Variants in GIT1 observed in about 807,000 individuals in gnomAD.
GIT1 encodes ARF GTPase-activating protein GIT1.
A neutral mutation model predicts 91.7 loss-of-function variants in GIT1; 14 were observed. The observed-to-expected ratio is 0.15, with a 90% CI of 0.10 to 0.24. The LOEUF is 0.24. Ranked by LOEUF, GIT1 falls within the 10% of genes least tolerant of loss-of-function variation. GIT1 has a pLI of 1.00. For missense variants in GIT1, 717 were observed against 1,024.9 expected (o/e 0.70, Z 4.10); for synonymous variants, 414 against 418.2 (o/e 0.99, Z 0.12).
Position 29,581,705 on chromosome 17 carries a change from G to A in GIT1, c.718+37C>T. ...GTCCCACCTGCCCAGCCCCAGCCAG[G>A]CCTGTCACAGCCAGGCGCCCCCCAA... On this transcript the variant is annotated intron_variant, in intron 6 of 19. Transcript: ENST00000225394. This position sits in a 1 kb window ranked among gnomAD's most constrained non-coding sequence, Gnocchi z 4.8. 1 of 1,535,526 alleles carries A rather than the reference G, an allele frequency of 6.5e-7. No homozygotes were observed. Among genetic ancestry groups the A allele is most frequent in the Middle Eastern group, 2.2e-4 (1 of 4,516 alleles).
At chr17:29,586,209 T>C (rs777913170) in intron 1 of GIT1, among the ~76,000 whole-genome samples, 3 of 152,262 alleles carry the variant, frequency 2.0e-5, no homozygotes, top group Admixed American at 6.5e-5. Context: ...AACATGCTTG[T>C]CTAACCTGCA....
In GIT1 at chr17:29,583,564, G is replaced by A; in HGVS notation, c.105C>T (p.Cys35=). Residue 35 remains cysteine (C), a synonymous_variant, in exon 2 of 20, where the codon TGC becomes TGT. Transcript: ENST00000225394. ...GGCGTCCCAGGCTCCGGTGCACGCTGCAGCACTCGTCACACACCAGCACAC... is the reference window on the plus strand; with the variant it reads ...GGCGTCCCAGGCTCCGGTGCACGCTACAGCACTCGTCACACACCAGCACAC... The part of the protein sequence containing the change: ...SRGVLVCDEC[C]SVHRSLGRHI... The A allele has an allele frequency of 6.2e-7, 1 of 1,609,654 alleles. No individual in the cohort carries two copies.
chr17:29,585,129 G>C, intron 1 of GIT1, among the ~76,000 whole-genome samples: 1 of 152,018 alleles, frequency 6.6e-6, no homozygotes, highest in East Asian at 1.9e-4. Context: ...AGGAGGAAGG[G>C]ACCAGCCTTC....
At position 29,583,937 on chromosome 17, in the gene GIT1, C is replaced by T. The variant is rs778041333; in HGVS notation, c.53-321G>A. 2.1e-4 allele frequency: 75 copies of T among 365,008 alleles called. 1 individual carries two copies. In the Middle Eastern group the frequency reaches 7.5e-3, roughly 36 times the overall value. 22.6% of individuals were successfully genotyped at this position (365,008 alleles called of 1,614,324 possible). On this transcript the variant is annotated intron_variant, in intron 1 of 19. Transcript: ENST00000225394. ...AGTCTCTCAGCCTTTTCCCAGGAAA[C>T]GAGGTCTCTGCCCCAGCCCGTCCCG...
chr17:29,585,843 C>A (rs1024197577), intron 1 of GIT1, among the ~76,000 whole-genome samples: 1 of 152,020 alleles, frequency 6.6e-6, no homozygotes, highest in Non-Finnish European at 1.5e-5. Context: ...CCTCCCCCTG[C>A]GCTTCTGGCT....
chr17:29,576,865 G>T lies in GIT1; in HGVS notation c.1225C>A (p.Arg409=), dbSNP rs745850448. ...GGGAAGGAGGGTGGGACTCAGACCC[G>T]GGCCCGGTTGCTCCGAGTGGCGCCG... ...STGATRSNRA[R]SMDSSDLSDG... Residue 409 remains arginine, a splice_region_variant and synonymous_variant, in exon 12 of 20, where the codon CGG becomes AGG. Coordinates refer to ENST00000225394, the MANE Select transcript of GIT1 (RefSeq NM_014030.4). 6.3e-7 allele frequency: 1 copy of T among 1,575,138 alleles called. No individual in the cohort carries two copies. The highest frequency in any genetic ancestry group is 1.9e-5 in the Admixed American group (1 of 52,718).
At position 29,581,368 on chromosome 17, in the gene GIT1, C is replaced by A. The variant is rs761142321; in HGVS notation, c.731G>T (p.Gly244Val). 1.2e-6 allele frequency: 2 copies of A among 1,612,680 alleles called. No individual in the cohort carries two copies. Among genetic ancestry groups the A allele is most frequent in the East Asian group, 4.5e-5 (2 of 44,864 alleles). Residue 244 changes from glycine to valine, a missense_variant, in exon 7 of 20, where the codon GGG (glycine) becomes GTG (valine). Physicochemically the swap from Gly to Val is moderately radical, Grantham distance 109 (BLOSUM62 -3). Transcript: ENST00000225394. This position sits in a 1 kb window ranked among gnomAD's most constrained non-coding sequence, Gnocchi z 4.8. ...LCGRKPDHKN[G>V]HYIIPQMADS... ...AGCCATCTGTGGGATGATGTAATGCCCATTCTTGTGATCTGAACAAAAATA... is the reference window on the plus strand; with the variant it reads ...AGCCATCTGTGGGATGATGTAATGCACATTCTTGTGATCTGAACAAAAATA...
Position 29,577,732 on chromosome 17 carries a change from A to T in GIT1, c.894T>A (p.Ala298=). Residue 298 remains alanine, a synonymous_variant, in exon 10 of 20, where the codon GCT becomes GCA. Transcript: ENST00000225394. ...DRRENDAVWL[A]TQNHSTLVTE... ...TCACCAGAGTGCTGTGGTTTTGGGT[A>T]GCCAGCCACACTGTAGGGGACGGAC... The T allele has an allele frequency of 6.2e-7, 1 of 1,607,482 alleles. No individual in the cohort carries two copies. The highest frequency in any genetic ancestry group is 8.5e-7 in the Non-Finnish European group (1 of 1,174,146).
chr17:29,585,606 G>A (rs1245159053), intron 1 of GIT1, among the ~76,000 whole-genome samples: 1 of 152,172 alleles, frequency 6.6e-6, no homozygotes, highest in Non-Finnish European at 1.5e-5. Flanking sequence ...TGAGAAGAAT[G>A]GTAGGCAAAG....
intron 9 of GIT1, among the ~76,000 whole-genome samples, 180 bp downstream of exon 9, chr17:29,578,119 C>G (rs535713944): frequency 5.3e-5 from 8 of 152,210 alleles, no homozygotes; most frequent in Non-Finnish European, 8.8e-5. Flanking sequence ...CCGCCTCCCC[C>G]TCAGCACTCT....
Position 29,575,052 on chromosome 17 carries a change from T to C in GIT1, c.2073+27A>G. On this transcript the variant is annotated intron_variant, in intron 19 of 19. Transcript: ENST00000225394. The surrounding 1 kb of genome is among the most constrained non-coding windows in gnomAD (Gnocchi z 5.5). ...CTGCCCCAGCTCGAGGCCCTCCCAC[T>C]CCTGGTCCTCTCTTTGGCCCCTGTA... is the stretch of plus-strand genomic sequence containing the variant. The C allele has an allele frequency of 6.4e-7, 1 of 1,556,522 alleles. No homozygotes were observed.
intron 1 of GIT1, among the ~76,000 whole-genome samples, chr17:29,587,694 C>T (rs2033633408): frequency 6.6e-6 from 1 of 152,154 alleles, no homozygotes; most frequent in Admixed American, 6.5e-5. Context: ...ATTTCTACTC[C>T]AACTTCTTTG....
intron 10 of GIT1, 22 bp downstream of exon 10, chr17:29,577,623 G>GCCC (rs1452926667): frequency 6.7e-7 from 1 of 1,493,292 alleles, no homozygotes. Flanking sequence ...ACCACCCCAG[G>GCCC]CCCCCAATCC....
At chr17:29,577,418 A>G (rs1007254206) in intron 10 of GIT1, among the ~76,000 whole-genome samples, 171 bp from the exon 11 acceptor site, 31 of 152,084 alleles carry the variant, frequency 2.0e-4, no homozygotes, top group African/African-American at 7.2e-4. Context: ...GTGGCAGGGT[A>G]TGATAGAGTA....
Position 29,589,404 on chromosome 17 carries a change from C to A in GIT1, c.-26G>T. 1 of 995,670 alleles carries A rather than the reference C, an allele frequency of 1.0e-6. No homozygotes were observed. The highest frequency in any genetic ancestry group is 1.2e-6 in the Non-Finnish European group (1 of 834,018). The allele number at this position is 995,670 out of a possible 1,614,324, so 61.7% of individuals were successfully genotyped here. A position where few individuals can be genotyped will look rare whatever the true frequency, so the allele number is the denominator to read the frequency against. On this transcript the variant is annotated 5_prime_UTR_variant, in exon 1 of 20. The change creates a new upstream start codon in the 5' untranslated region. Coordinates refer to ENST00000225394, the MANE Select transcript of GIT1 (RefSeq NM_014030.4). This position sits in a 1 kb window ranked among gnomAD's most constrained non-coding sequence, Gnocchi z 5.2. ...CCTCAGCGGCGACGCGGCCGCAGCCCTCTGGGCCAGCGTGGGGGGCGCGGG... is the reference window on the plus strand; with the variant it reads ...CCTCAGCGGCGACGCGGCCGCAGCCATCTGGGCCAGCGTGGGGGGCGCGGG...
intron 10 of GIT1, 150 bp downstream of exon 10, chr17:29,577,495 C>T: frequency 4.3e-6 from 3 of 699,858 alleles, no homozygotes; most frequent in Middle Eastern, 2.9e-4. Context: ...CAACAGCCTC[C>T]TGACCTTCCC....
intron 8 of GIT1, 68 bp from the exon 9 acceptor site, chr17:29,578,439 G>A: frequency 7.0e-7 from 1 of 1,431,642 alleles, no homozygotes; most frequent in Non-Finnish European, 9.9e-7. Context: ...CAGCTCCCCA[G>A]CATGTTGTGA....
At position 29,582,809 on chromosome 17, in the gene GIT1, T is replaced by G. The variant is rs753933164; in HGVS notation, c.300-6A>C. On this transcript the variant is annotated splice_polypyrimidine_tract_variant and splice_region_variant and intron_variant, in intron 3 of 19. Transcript: ENST00000225394. ...TGAACTCTGACTTGATGGGGCTGCA[T>G]GGGGCACACAGGAGGAATGGGGAGC... 3.7e-6 allele frequency: 6 copies of G among 1,609,816 alleles called. No individual in the cohort carries two copies. Among genetic ancestry groups the G allele is most frequent in the Non-Finnish European group, 5.1e-6 (6 of 1,176,698 alleles).
At chr17:29,585,447 C>T (rs2033562707) in intron 1 of GIT1, among the ~76,000 whole-genome samples, 1 of 152,228 alleles carries the variant, frequency 6.6e-6, no homozygotes. Context: ...CCAATGGCTC[C>T]AGAGCCCTAA....
Sources: gnomAD v4.1 joint callset for allele counts (sites outside exome capture counted in the v4.1 genomes callset) on GRCh38, gnomAD v4.1.1 for gene constraint, Gnocchi (gnomAD v3.1) non-coding constraint, MANE v1.5 for transcripts, NCBI Gene and HGNC (gene_info 2026-07-23, HGNC 2026-07-21) for gene names.